C1QTNF7: variants seen among roughly 807,000 people sequenced by gnomAD.
C1QTNF7 encodes complement C1q tumor necrosis factor-related protein 7.
A neutral mutation model predicts 19.6 loss-of-function variants in C1QTNF7; 15 were observed. That is an observed-to-expected ratio of 0.76 (90% CI 0.51 to 1.18). The LOEUF (loss-of-function observed/expected upper bound fraction) is 1.18. C1QTNF7 is among the 50% of genes most tolerant of loss of function. C1QTNF7 has a pLI of 0.00. For synonymous variants in C1QTNF7, 142 were observed against 137.5 expected, an observed-to-expected ratio of 1.03 and a Z score of -0.23; for missense variants, 324 against 359.7, an observed-to-expected ratio of 0.90 and a Z score of 0.80.
intron 1 of C1QTNF7, chr4:15,420,117 C>T (rs1476429220): frequency 6.6e-6 from 1 of 152,354 alleles, no homozygotes; most frequent in Non-Finnish European, 1.5e-5. Context: ...ATATCCACAG[C>T]CTCCGCAACG....
At chr4:15,407,387 G>A (rs1719230149) in intron 1 of C1QTNF7, among the ~76,000 whole-genome samples, 1 of 152,148 alleles carries the variant, frequency 6.6e-6, no homozygotes, top group South Asian at 2.1e-4. Flanking sequence ...GAGGCTCAGA[G>A]ACTTGTCTAA....
At position 15,435,912 on chromosome 4, in the gene C1QTNF7, C is replaced by T. The variant is rs114477868; in HGVS notation, c.169C>T (p.Arg57Cys). ...GANGSPGPHGRIGLPGRDGRD... is the reference protein window; with the variant it reads ...GANGSPGPHGCIGLPGRDGRD... Reference sequence around the variant, plus strand: ...AAATGGTTCCCCTGGGCCCCATGGTCGCATCGGCCTTCCAGGAAGAGATGG... The same window carrying T: ...AAATGGTTCCCCTGGGCCCCATGGTTGCATCGGCCTTCCAGGAAGAGATGG... The change falls in exon 2 of 3, where the codon CGC (arginine) becomes TGC (cysteine). Residue 57 changes from arginine to cysteine, a missense_variant. Coordinates refer to ENST00000444304, the MANE Select transcript of C1QTNF7 (RefSeq NM_031911.5). 382 of 1,613,924 alleles carry T rather than the reference C, an allele frequency of 2.4e-4. No individual in the cohort carries two copies. The African/African-American group carries it at 3.7e-3, about 15-fold the overall frequency.
upstream of C1QTNF7, among the ~76,000 whole-genome samples, chr4:15,427,467 C>T (rs556873737): frequency 1.1e-3 from 168 of 152,200 alleles, 2 homozygotes; most frequent in South Asian, 0.032. Flanking sequence ...TAAAAATACC[C>T]AATCATTTAT....
intron 1 of C1QTNF7, among the ~76,000 whole-genome samples, chr4:15,368,651 T>C (rs535380272): frequency 6.6e-6 from 1 of 152,340 alleles, no homozygotes; most frequent in East Asian, 1.9e-4. Context: ...TAGTATTCCA[T>C]GGTGTATATG....
chr4:15,358,134 G>A (rs934334709), intron 1 of C1QTNF7: 4 of 152,184 alleles, frequency 2.6e-5, no homozygotes, highest in Non-Finnish European at 5.9e-5. Flanking sequence ...AATAGGAGTG[G>A]TGAGAGAAGG....
At chr4:15,408,722 C>G (rs1224070526) in intron 1 of C1QTNF7, among the ~76,000 whole-genome samples, 5 of 152,152 alleles carry the variant, frequency 3.3e-5, no homozygotes. Flanking sequence ...CTGGTCCAAT[C>G]AGACTATCTC....
At chr4:15,394,835 G>A (rs1375592825) in intron 1 of C1QTNF7, among the ~76,000 whole-genome samples, 1 of 152,114 alleles carries the variant, frequency 6.6e-6, no homozygotes. Flanking sequence ...GCATCCCCAA[G>A]TGCCTTAGGA....
chr4:15,412,639 G>A (rs748365708), intron 1 of C1QTNF7, among the ~76,000 whole-genome samples: 9 of 152,284 alleles, frequency 5.9e-5, no homozygotes, highest in South Asian at 2.1e-4. Context: ...TGCAAAGCCC[G>A]TCTCACCACG....
At chr4:15,422,587 T>G (rs1375859143) in intron 1 of C1QTNF7, among the ~76,000 whole-genome samples, 7 of 152,188 alleles carry the variant, frequency 4.6e-5, no homozygotes, top group Non-Finnish European at 1.0e-4. Flanking sequence ...TCTCTGTTTT[T>G]TAATATGTTT....
intron 1 of C1QTNF7, among the ~76,000 whole-genome samples, chr4:15,433,308 A>C (rs1712406490): frequency 1.3e-5 from 2 of 151,888 alleles, no homozygotes; most frequent in East Asian, 3.9e-4. Flanking sequence ...GTGAGCCACC[A>C]CACCCAGCCT....
chr4:15,390,569 A>T (rs1718520250), intron 1 of C1QTNF7, among the ~76,000 whole-genome samples: 1 of 152,236 alleles, frequency 6.6e-6, no homozygotes, highest in Non-Finnish European at 1.5e-5. Context: ...CATTTCAGAA[A>T]GATCAGATCT....
chr4:15,345,661 TTAAA>T, intron 1 of C1QTNF7, among the ~76,000 whole-genome samples: 1 of 152,118 alleles, frequency 6.6e-6, no homozygotes, highest in Non-Finnish European at 1.5e-5. Flanking sequence ...AAATTAATAT[TTAAA>T]TAAGGTGTTC....
chr4:15,344,459 T>G (rs1218255552), intron 1 of C1QTNF7, among the ~76,000 whole-genome samples: 1 of 152,186 alleles, frequency 6.6e-6, no homozygotes, highest in Non-Finnish European at 1.5e-5. Context: ...ATCAAGACTT[T>G]GACTATCTCA....
chr4:15,410,020 A>G (rs1406682247), intron 1 of C1QTNF7, among the ~76,000 whole-genome samples: 3 of 152,222 alleles, frequency 2.0e-5, no homozygotes, highest in Middle Eastern at 3.2e-3. Flanking sequence ...TTAAAGCCAG[A>G]AAGTGTATGT....
chr4:15,401,332 G>T (rs1227214718), intron 1 of C1QTNF7, among the ~76,000 whole-genome samples: 4 of 152,134 alleles, frequency 2.6e-5, no homozygotes, highest in African/African-American at 9.7e-5. Context: ...GAGCCACACT[G>T]GCCTCCCGGA....
chr4:15,437,369 G>A (rs1712579151), intron 2 of C1QTNF7, among the ~76,000 whole-genome samples: 1 of 151,918 alleles, frequency 6.6e-6, no homozygotes, highest in Admixed American at 6.6e-5. Flanking sequence ...TAAGTTTAAG[G>A]GAAAGAGTAC....
intron 1 of C1QTNF7, among the ~76,000 whole-genome samples, chr4:15,435,146 G>T (rs1269507005): frequency 6.6e-6 from 1 of 152,138 alleles, no homozygotes; most frequent in African/African-American, 2.4e-5. Context: ...TATAATGGGG[G>T]TTCTGTACAT....
At chr4:15,365,277 T>C (rs1371824992) in intron 1 of C1QTNF7, among the ~76,000 whole-genome samples, 1 of 152,028 alleles carries the variant, frequency 6.6e-6, no homozygotes, top group Non-Finnish European at 1.5e-5. Context: ...ACTGGAAATA[T>C]ACTTGTGTAC....
At chr4:15,428,739 T>C (rs940363292) in intron 1 of C1QTNF7, among the ~76,000 whole-genome samples, 1 of 152,048 alleles carries the variant, frequency 6.6e-6, no homozygotes, top group African/African-American at 2.4e-5. Flanking sequence ...GCAGCTCAGG[T>C]CTCCATCCTG....
Sources: allele counts gnomAD v4.1 joint callset (sites outside exome capture counted in the v4.1 genomes callset), GRCh38; gene constraint gnomAD v4.1.1; transcripts MANE v1.5; gene names NCBI Gene and HGNC (gene_info 2026-07-23, HGNC 2026-07-21).